GFRA2: variants seen among roughly 807,000 people sequenced by gnomAD.
The protein encoded by GFRA2 is GDNF family receptor alpha 2.
Under a neutral mutation model 48.3 loss-of-function variants are expected in GFRA2, and 17 were observed. The ratio of observed to expected loss-of-function variants is 0.35; its 90% CI spans 0.24 to 0.53. The LOEUF (loss-of-function observed/expected upper bound fraction) is 0.53. Ranked by LOEUF, GFRA2 falls within the 20% of genes least tolerant of loss-of-function variation. The pLI is 0.93. For missense variants in GFRA2, 660 were observed against 637.3 expected, an observed-to-expected ratio of 1.04 and a Z score of -0.38; for synonymous variants, 305 against 257.2, an observed-to-expected ratio of 1.19 and a Z score of -1.78.
chr8:21,747,704 G>A (rs1644915807), intron 4 of GFRA2, among the ~76,000 whole-genome samples: 1 of 149,888 alleles, frequency 6.7e-6, no homozygotes, highest in Non-Finnish European at 1.5e-5. Context: ...TGTACCCAAT[G>A]CCTCTACTTC....
chr8:21,763,988 CA>C (rs1316291372), intron 3 of GFRA2, among the ~76,000 whole-genome samples: 2 of 137,532 alleles, frequency 1.5e-5, no homozygotes, highest in Admixed American at 7.3e-5. Context: ...CACACACACA[CA>C]CACACACACA....
chr8:21,783,995 G>A (rs1641565613), intron 1 of GFRA2, among the ~76,000 whole-genome samples: 1 of 151,526 alleles, frequency 6.6e-6, no homozygotes. Context: ...CCTTCCAAAA[G>A]CCAAATAATT....
At chr8:21,776,037 G>GTGTGTGTGTTGTGTGTGTA (rs549952048) in intron 2 of GFRA2, among the ~76,000 whole-genome samples, 30 of 139,898 alleles carry the variant, frequency 2.1e-4, no homozygotes, top group African/African-American at 8.0e-4. Flanking sequence ...GTGTGTGTGT[G>GTGTGTGTGTTGTGTGTGTA]TGTAGTGAAA....
intron 2 of GFRA2, among the ~76,000 whole-genome samples, chr8:21,801,829 C>A (rs1807776003): frequency 6.6e-6 from 1 of 152,194 alleles, no homozygotes; most frequent in Non-Finnish European, 1.5e-5. Context: ...GCAGCCCTCG[C>A]CAAACTGTCC....
chr8:21,713,187 C>CTGTTTTGTTTTGTTT (rs534429679), intron 4 of GFRA2, among the ~76,000 whole-genome samples: 1 of 151,934 alleles, frequency 6.6e-6, no homozygotes, highest in Non-Finnish European at 1.5e-5. Flanking sequence ...CTGTTTTGTT[C>CTGTTTTGTTTTGTTT]TGTTTTGTTT....
chr8:21,732,007 G>C (rs1420062250), intron 4 of GFRA2, among the ~76,000 whole-genome samples: 1 of 152,242 alleles, frequency 6.6e-6, no homozygotes, highest in Admixed American at 6.5e-5. Context: ...AGGAGACAAA[G>C]AGCATTTAAG....
chr8:21,690,799 TC>T lies in GFRA2; in HGVS notation c.*2478del. On this transcript the variant is annotated 3_prime_UTR_variant, in exon 9 of 9. Coordinates refer to ENST00000524240, the MANE Select transcript of GFRA2 (RefSeq NM_001495.5). ...CTGCCTTCCAGCCCCTCAGATGCCCTCCAGTCCCTGCCCTCGCCTCCCCTGG... is the reference window on the plus strand; with the variant it reads ...CTGCCTTCCAGCCCCTCAGATGCCCTCAGTCCCTGCCCTCGCCTCCCCTGG... 6.5e-6 allele frequency: 1 copy of T among 152,740 alleles called. No homozygotes were observed. The highest frequency in any genetic ancestry group is 1.5e-5 in the Non-Finnish European group (1 of 68,188). 9.5% of individuals were successfully genotyped at this position (152,740 alleles called of 1,614,324 possible). A position where few individuals can be genotyped will look rare whatever the true frequency, so the allele number is the denominator to read the frequency against.
At chr8:21,754,076 T>C (rs1444393955) in intron 3 of GFRA2, among the ~76,000 whole-genome samples, 3 of 152,350 alleles carry the variant, frequency 2.0e-5, no homozygotes, top group Middle Eastern at 3.4e-3. Context: ...ACCCCACACA[T>C]AGTAACAACA....
chr8:21,722,228 C>G (rs1180346602), intron 4 of GFRA2, among the ~76,000 whole-genome samples: 1 of 152,150 alleles, frequency 6.6e-6, no homozygotes, highest in Non-Finnish European at 1.5e-5. Context: ...GACTCCCTGC[C>G]CTGTCTGCCC....
intron 4 of GFRA2, among the ~76,000 whole-genome samples, chr8:21,723,520 G>C (rs917920037): frequency 6.6e-6 from 1 of 152,194 alleles, no homozygotes; most frequent in Non-Finnish European, 1.5e-5. Context: ...AAAAATAAAA[G>C]AGATTCCCCA....
intron 3 of GFRA2, among the ~76,000 whole-genome samples, chr8:21,759,576 G>C (rs1805795760): frequency 6.7e-6 from 1 of 149,314 alleles, no homozygotes; most frequent in African/African-American, 2.5e-5. Flanking sequence ...TTTAAAGAAA[G>C]GAAAATAAGG....
chr8:21,770,736 T>G (rs1806398004), intron 3 of GFRA2, among the ~76,000 whole-genome samples: 1 of 142,096 alleles, frequency 7.0e-6, no homozygotes, highest in Non-Finnish European at 1.5e-5. Context: ...ATGGGCCCAG[T>G]GGCGGTGAGG....
intron 2 of GFRA2, among the ~76,000 whole-genome samples, chr8:21,802,418 A>T (rs1807788163): frequency 6.6e-6 from 1 of 152,128 alleles, no homozygotes; most frequent in African/African-American, 2.4e-5. Context: ...GCAGTGGCTA[A>T]ATCATGGGTC....
chr8:21,698,464 C>A (rs555932472), intron 7 of GFRA2, among the ~76,000 whole-genome samples: 1 of 152,182 alleles, frequency 6.6e-6, no homozygotes, highest in African/African-American at 2.4e-5. Context: ...ACCCCCGAAG[C>A]GCAGGCCGGC....
At chr8:21,783,352 C>T (rs1807108466) in intron 1 of GFRA2, among the ~76,000 whole-genome samples, 1 of 152,130 alleles carries the variant, frequency 6.6e-6, no homozygotes, top group South Asian at 2.1e-4. Flanking sequence ...ATCCATGGCG[C>T]TGCACTAAAC....
intron 4 of GFRA2, among the ~76,000 whole-genome samples, chr8:21,741,133 C>T (rs1360694817): frequency 6.6e-6 from 1 of 152,202 alleles, no homozygotes; most frequent in Admixed American, 6.5e-5. Context: ...GCTTCAGAAG[C>T]TCCTTTCCAA....
rs186981710 is a variant in GFRA2 at position 21,693,471 on chromosome 8, G to A, written c.1273-71C>T. 273 of 1,437,382 alleles carry A rather than the reference G, an allele frequency of 1.9e-4. No individual in the cohort carries two copies. In the African/African-American group the frequency reaches 3.4e-3, roughly 18 times the overall value. 89.0% of individuals were successfully genotyped at this position (1,437,382 alleles called of 1,614,324 possible). A position where few individuals can be genotyped will look rare whatever the true frequency, so the allele number is the denominator to read the frequency against. On this transcript the variant is annotated intron_variant, in intron 8 of 8. Coordinates refer to ENST00000524240, the MANE Select transcript of GFRA2 (RefSeq NM_001495.5). ...CAAAGAAAACAGTCAGGAGGCCTGG[G>A]ACCCGGCAGAGAAACGGACTCAGGA... is the stretch of plus-strand genomic sequence containing the variant.
chr8:21,720,906 C>T (rs1349460835), intron 4 of GFRA2, among the ~76,000 whole-genome samples: 1 of 151,572 alleles, frequency 6.6e-6, no homozygotes, highest in East Asian at 1.9e-4. Context: ...CCATCTTATT[C>T]ATGTTTAAAA....
At chr8:21,732,120 T>C (rs139212265) in intron 4 of GFRA2, among the ~76,000 whole-genome samples, 231 of 152,320 alleles carry the variant, frequency 1.5e-3, no homozygotes, top group African/African-American at 5.3e-3. Flanking sequence ...CGTCACTGCA[T>C]AGAACATGGT....
Sources: gnomAD v4.1 joint callset for allele counts (sites outside exome capture counted in the v4.1 genomes callset) on GRCh38, gnomAD v4.1.1 for gene constraint, MANE v1.5 for transcripts, NCBI Gene and HGNC (gene_info 2026-07-23, HGNC 2026-07-21) for gene names.